Variants in LAMA2 observed in about 807,000 individuals in gnomAD.
The protein encoded by LAMA2 is laminin subunit alpha 2, also known as laminin subunit alpha-2.
Under a neutral mutation model 364.8 loss-of-function variants are expected in LAMA2, and 269 were observed. That is an observed-to-expected ratio of 0.74 (90% CI 0.67 to 0.82). The LOEUF is 0.82. Ranked by LOEUF, LAMA2 falls within the 40% of genes least tolerant of loss-of-function variation. LAMA2 has a pLI of 0.00. For synonymous variants in LAMA2, 1,379 were observed against 1,370.6 expected (o/e 1.01, Z -0.14); for missense variants, 3,807 against 3,873.2 (o/e 0.98, Z 0.45).
intron 1 of LAMA2, among the ~76,000 whole-genome samples, chr6:128,986,062 G>A (rs1263123085): frequency 6.6e-6 from 1 of 152,096 alleles, no homozygotes; most frequent in Non-Finnish European, 1.5e-5. Flanking sequence ...ATCCTTTAAT[G>A]ATAACCAGTT....
At position 129,159,389 on chromosome 6, in the gene LAMA2, G is replaced by C. The variant is rs923104231; in HGVS notation, c.1206+4706G>C. On this transcript the variant is annotated intron_variant, in intron 8 of 64. Transcript: ENST00000421865. ...AAACTGATGCATATTTTCATAAGTCGCTCCCGGCGTCTCTTCCCGGGCTCC... is the reference window on the plus strand; with the variant it reads ...AAACTGATGCATATTTTCATAAGTCCCTCCCGGCGTCTCTTCCCGGGCTCC... Among the ~76,000 whole-genome samples the C allele has an allele frequency of 3.9e-5, 6 of 152,136 alleles. No individual in the cohort carries two copies. In the South Asian group the frequency reaches 6.2e-4, roughly 16 times the overall value.
intron 40 of LAMA2, among the ~76,000 whole-genome samples, chr6:129,419,500 T>G (rs1299366448): frequency 1.3e-5 from 2 of 148,158 alleles, no homozygotes; most frequent in Admixed American, 1.3e-4. Flanking sequence ...AGTAGCCAGC[T>G]GCTAGTCCAG....
At chr6:129,175,799 C>A (rs924767128) in intron 9 of LAMA2, among the ~76,000 whole-genome samples, 20 of 151,966 alleles carry the variant, frequency 1.3e-4, no homozygotes, top group South Asian at 2.1e-4. Context: ...ATGTGACAAA[C>A]CTGGATGTTC....
chr6:129,300,961 T>C (rs1773515005), intron 22 of LAMA2, 89 bp downstream of exon 22: 1 of 1,077,900 alleles, frequency 9.3e-7, no homozygotes, highest in Admixed American at 1.7e-5. Context: ...AAATTCAATA[T>C]TACATCACAA....
At position 129,091,487 on chromosome 6, in the gene LAMA2, A is replaced by G. The variant is rs139672018; in HGVS notation, c.397-6686A>G. ...ATAATACAGGAGCCAGTTACAACAC[A>G]GGAGGTGAAATGGCCTGTTTGCTTA... On this transcript the variant is annotated intron_variant, in intron 3 of 64. Transcript: ENST00000421865. Among the ~76,000 whole-genome samples, 1,152 of 152,336 alleles carry G rather than the reference A, an allele frequency of 7.6e-3. 16 individuals carry two copies. The highest frequency in any genetic ancestry group is 0.026 in the African/African-American group (1,088 of 41,570).
chr6:128,911,358 C>T (rs553260965), intron 1 of LAMA2, among the ~76,000 whole-genome samples: 7 of 152,094 alleles, frequency 4.6e-5, no homozygotes, highest in South Asian at 2.1e-4. Flanking sequence ...TTTTTAAGCC[C>T]GTCGGAAAGG....
At chr6:129,478,576 T>C in intron 53 of LAMA2, 117 bp from the exon 54 acceptor site, 1 of 1,069,184 alleles carries the variant, frequency 9.4e-7, no homozygotes, top group East Asian at 2.4e-5. Context: ...GTGTGCACAG[T>C]TTGATAGACA....
intron 11 of LAMA2, among the ~76,000 whole-genome samples, chr6:129,191,422 A>C (rs1271117834): frequency 6.6e-6 from 1 of 152,184 alleles, no homozygotes; most frequent in African/African-American, 2.4e-5. Flanking sequence ...CCACAGATGG[A>C]CATCTAGTCT....
intron 17 of LAMA2, among the ~76,000 whole-genome samples, chr6:129,278,306 T>A (rs1788468528): frequency 6.6e-6 from 1 of 152,238 alleles, no homozygotes; most frequent in South Asian, 2.1e-4. Context: ...ACAATTGGTA[T>A]GGTTTTCTTT....
chr6:129,051,728 A>C (rs969847396), intron 2 of LAMA2, among the ~76,000 whole-genome samples: 14 of 145,550 alleles, frequency 9.6e-5, no homozygotes, highest in Admixed American at 3.5e-4. Flanking sequence ...ATAGATAGAT[A>C]TATAGAGGCC....
intron 1 of LAMA2, among the ~76,000 whole-genome samples, chr6:128,955,485 C>G (rs1781084970): frequency 6.6e-6 from 1 of 151,836 alleles, no homozygotes; most frequent in Admixed American, 6.6e-5. Flanking sequence ...TATAGATTCC[C>G]TCGTTGAAAC....
chr6:129,181,715 A>C lies in LAMA2; in HGVS notation c.1467+3849A>C, dbSNP rs182198391. Reference sequence around the variant, plus strand: ...GCTAACTGACTCACAGAATTGTAAAATTGAACAGAAGTTTAGCAGAAGTTG... The same window carrying C: ...GCTAACTGACTCACAGAATTGTAAACTTGAACAGAAGTTTAGCAGAAGTTG... On this transcript the variant is annotated intron_variant, in intron 10 of 64. Coordinates refer to ENST00000421865, the MANE Select transcript of LAMA2 (RefSeq NM_000426.4). Among the ~76,000 whole-genome samples the C allele has an allele frequency of 1.2e-3, 176 of 152,054 alleles. 1 individual carries two copies. The highest frequency in any genetic ancestry group is 1.3e-3 in the Non-Finnish European group (91 of 67,914).
intron 43 of LAMA2, among the ~76,000 whole-genome samples, chr6:129,441,807 C>T (rs1361161075): frequency 6.6e-6 from 1 of 151,958 alleles, no homozygotes; most frequent in Non-Finnish European, 1.5e-5. Flanking sequence ...AGCAAGACCC[C>T]ATCTTTACAA....
At chr6:129,485,545 C>T (rs749902430) in intron 55 of LAMA2, among the ~76,000 whole-genome samples, 43 of 152,246 alleles carry the variant, frequency 2.8e-4, no homozygotes, top group African/African-American at 8.7e-4. Context: ...TCAAAGCTAA[C>T]GGTTTTGATA....
intron 2 of LAMA2, among the ~76,000 whole-genome samples, chr6:129,053,090 T>C (rs968832862): frequency 1.4e-4 from 21 of 152,232 alleles, no homozygotes; most frequent in African/African-American, 4.6e-4. Context: ...TGTTTTGTTT[T>C]ATTTTGAGAC....
At chr6:129,165,959 C>T (rs1264323592) in intron 9 of LAMA2, among the ~76,000 whole-genome samples, 1 of 152,078 alleles carries the variant, frequency 6.6e-6, no homozygotes, top group Non-Finnish European at 1.5e-5. Flanking sequence ...GAGAGTCAAT[C>T]ACAAATCTGT....
At position 129,109,449 on chromosome 6, in the gene LAMA2, A is replaced by G. The variant is rs543798057; in HGVS notation, c.639+11034A>G. 2.0e-4 allele frequency among the ~76,000 whole-genome samples: 30 copies of G among 152,216 alleles called. No homozygotes were observed. In the East Asian group the frequency reaches 5.2e-3, roughly 26 times the overall value. ...GCTGTGTTAGACATAGTTGAGATCC[A>G]TTATAATAATGTCACTACATTTTGA... On this transcript the variant is annotated intron_variant, in intron 4 of 64. Transcript: ENST00000421865.
intron 31 of LAMA2, 132 bp downstream of exon 31, chr6:129,349,516 C>A: frequency 2.7e-6 from 2 of 746,464 alleles, no homozygotes; most frequent in Non-Finnish European, 4.6e-6. Flanking sequence ...AATTACAATG[C>A]TTTCAAAACC....
intron 1 of LAMA2, among the ~76,000 whole-genome samples, chr6:128,961,999 C>G (rs1463022869): frequency 6.6e-6 from 1 of 150,530 alleles, no homozygotes; most frequent in South Asian, 2.1e-4. Flanking sequence ...ACACTTCTTG[C>G]TGTGGTTTGC....
Sources: allele counts gnomAD v4.1 joint callset (sites outside exome capture counted in the v4.1 genomes callset), GRCh38; gene constraint gnomAD v4.1.1; transcripts MANE v1.5; gene names NCBI Gene and HGNC (gene_info 2026-07-23, HGNC 2026-07-21).